Variants in PTPRT observed in about 807,000 individuals in gnomAD.
PTPRT encodes protein tyrosine phosphatase receptor type T.
PTPRT carries 56 observed loss-of-function variants against 176.8 expected under a neutral mutation model. The ratio of observed to expected loss-of-function variants is 0.32; its 90% CI spans 0.26 to 0.40. The LOEUF (loss-of-function observed/expected upper bound fraction) is 0.40, where lower values mean the gene tolerates loss of function less well. PTPRT is among the 10% of genes least tolerant of loss of function. The probability of loss-of-function intolerance (pLI) is 1.00; values close to 1 mark genes in which losing one functional copy is unlikely to be tolerated. For missense variants in PTPRT, 1,540 were observed against 1,908.2 expected, an observed-to-expected ratio of 0.81 and a Z score of 3.60; for synonymous variants, 783 against 739.0, an observed-to-expected ratio of 1.06 and a Z score of -0.96.
downstream of PTPRT, among the ~76,000 whole-genome samples, chr20:42,069,936 C>T (rs1299688944): frequency 4.6e-5 from 7 of 152,148 alleles, no homozygotes; most frequent in Non-Finnish European, 8.8e-5. Flanking sequence ...TGCCATGTCT[C>T]TACTGAATGT....
chr20:43,088,804 T>C (rs1337935943), intron 1 of PTPRT, among the ~76,000 whole-genome samples: 1 of 152,076 alleles, frequency 6.6e-6, no homozygotes. Context: ...TGAATAATAA[T>C]TTAAGTCTCG....
At chr20:42,141,862 T>C in intron 18 of PTPRT, 53 bp downstream of exon 18, 2 of 1,482,502 alleles carry the variant, frequency 1.3e-6, no homozygotes, top group Non-Finnish European at 1.9e-6. Flanking sequence ...ATAGCCTCTT[T>C]TCCCCTGCAT....
chr20:42,588,281 T>G (rs890487562), intron 7 of PTPRT, among the ~76,000 whole-genome samples: 54 of 152,080 alleles, frequency 3.6e-4, no homozygotes, highest in Admixed American at 3.5e-3. Flanking sequence ...CCGTCTCTAC[T>G]AAAAATACAA....
chr20:42,611,481 G>T (rs1384388981), intron 7 of PTPRT, among the ~76,000 whole-genome samples: 1 of 152,192 alleles, frequency 6.6e-6, no homozygotes, highest in Non-Finnish European at 1.5e-5. Context: ...GGTTGAGCCT[G>T]TCAAGGTTGC....
intron 15 of PTPRT, among the ~76,000 whole-genome samples, chr20:42,200,061 T>TACACACAC (rs3086759): frequency 0.23 from 32,452 of 140,370 alleles, 3,997 homozygotes; most frequent in Non-Finnish European, 0.28. Flanking sequence ...CACAAAAAAA[T>TACACACAC]ACACACACAC....
chr20:42,461,224 G>C (rs1163088020), intron 8 of PTPRT, among the ~76,000 whole-genome samples: 4 of 152,210 alleles, frequency 2.6e-5, no homozygotes, highest in Non-Finnish European at 5.9e-5. Context: ...CTACTCAGGA[G>C]GCTGAAGCAG....
intron 1 of PTPRT, among the ~76,000 whole-genome samples, chr20:43,134,294 T>A (rs6072992): frequency 6.6e-6 from 1 of 152,168 alleles, no homozygotes; most frequent in Admixed American, 6.5e-5. Flanking sequence ...CTTCTGAACC[T>A]TTTCCTTGGC....
chr20:42,336,510 T>G (rs909321316), intron 11 of PTPRT, among the ~76,000 whole-genome samples: 1 of 152,164 alleles, frequency 6.6e-6, no homozygotes, highest in Non-Finnish European at 1.5e-5. Context: ...TACTTTGAGA[T>G]TTTTTAATTA....
chr20:42,493,606 C>G (rs2071599100), intron 7 of PTPRT, among the ~76,000 whole-genome samples: 1 of 151,962 alleles, frequency 6.6e-6, no homozygotes, highest in Non-Finnish European at 1.5e-5. Context: ...GGCCTAAGGT[C>G]CTAATCACAA....
intron 1 of PTPRT, among the ~76,000 whole-genome samples, chr20:42,959,619 G>C (rs528307532): frequency 6.6e-6 from 1 of 152,174 alleles, no homozygotes; most frequent in Admixed American, 6.5e-5. Flanking sequence ...GCACAGGTGG[G>C]ACAACTGGAA....
At chr20:42,891,913 T>G (rs2079200226) in intron 1 of PTPRT, among the ~76,000 whole-genome samples, 1 of 152,236 alleles carries the variant, frequency 6.6e-6, no homozygotes, top group Admixed American at 6.5e-5. Context: ...GTAAATATTT[T>G]CAGCTCTGTA....
At chr20:42,193,698 A>T (rs542392722) in intron 16 of PTPRT, among the ~76,000 whole-genome samples, 1 of 152,212 alleles carries the variant, frequency 6.6e-6, no homozygotes, top group African/African-American at 2.4e-5. Flanking sequence ...TAGGTGCCCA[A>T]TAAAAGTTAT....
intron 7 of PTPRT, among the ~76,000 whole-genome samples, chr20:42,553,551 C>T (rs1289346114): frequency 6.6e-6 from 1 of 152,010 alleles, no homozygotes; most frequent in East Asian, 1.9e-4. Context: ...TTACTTCATT[C>T]TCACAGTTAA....
intron 1 of PTPRT, among the ~76,000 whole-genome samples, chr20:42,891,557 C>A (rs958437594): frequency 6.6e-6 from 1 of 152,170 alleles, no homozygotes; most frequent in Non-Finnish European, 1.5e-5. Context: ...AGGATACATA[C>A]TTTAGGATAC....
chr20:42,478,659 C>T (rs1313874365), intron 7 of PTPRT, among the ~76,000 whole-genome samples: 1 of 152,012 alleles, frequency 6.6e-6, no homozygotes, highest in Non-Finnish European at 1.5e-5. Flanking sequence ...TTTTCAAGGC[C>T]CAGCTCCAAT....
chr20:42,286,622 T>C (rs2057234639), intron 12 of PTPRT, among the ~76,000 whole-genome samples: 1 of 151,800 alleles, frequency 6.6e-6, no homozygotes, highest in South Asian at 2.1e-4. Context: ...CTTGAAACTA[T>C]AAAACTACTA....
chr20:42,462,497 A>C (rs992757908), intron 8 of PTPRT, among the ~76,000 whole-genome samples: 1 of 152,202 alleles, frequency 6.6e-6, no homozygotes, highest in Non-Finnish European at 1.5e-5. Context: ...TGGAATGATC[A>C]GTCAAGGAAT....
At chr20:42,179,727 A>G (rs997250071) in intron 16 of PTPRT, among the ~76,000 whole-genome samples, 1 of 152,216 alleles carries the variant, frequency 6.6e-6, no homozygotes, top group African/African-American at 2.4e-5. Flanking sequence ...GTGCCAGCTA[A>G]CATCCTTAAC....
intron 16 of PTPRT, among the ~76,000 whole-genome samples, chr20:42,193,179 C>T (rs6072648): frequency 0.014 from 2,190 of 152,344 alleles, 23 homozygotes; most frequent in South Asian, 0.032. Context: ...GTTTCCTCAA[C>T]TGCAAAATGA....
Sources: gnomAD v4.1 joint callset for allele counts (sites outside exome capture counted in the v4.1 genomes callset) on GRCh38, gnomAD v4.1.1 for gene constraint, MANE v1.5 for transcripts, NCBI Gene and HGNC (gene_info 2026-07-23, HGNC 2026-07-21) for gene names.